The following RUFY4 variants were observed in gnomAD, a reference collection of about 807,000 sequenced individuals.
The protein encoded by RUFY4 is RUN and FYVE domain-containing protein 4.
RUFY4 carries 73 observed loss-of-function variants against 69.0 expected under a neutral mutation model. That is an observed-to-expected ratio of 1.06 (90% CI 0.88 to 1.29). The LOEUF (loss-of-function observed/expected upper bound fraction) is 1.29. RUFY4 is among the 50% of genes most tolerant of loss of function. The pLI is 0.00. For missense variants in RUFY4, 770 were observed against 705.6 expected, an observed-to-expected ratio of 1.09 and a Z score of -1.03; for synonymous variants, 287 against 271.8, an observed-to-expected ratio of 1.06 and a Z score of -0.55.
chr2:218,072,456 G>A (rs568804040), exon 3 of RUFY4: 52 of 1,537,310 alleles, frequency 3.4e-5, no homozygotes, highest in Admixed American at 3.3e-4. Context: ...CGACGGCAGC[G>A]GGGAAACATG....
chr2:218,084,585 A>C (rs1689847528), intron 9 of RUFY4, among the ~76,000 whole-genome samples: 2 of 152,194 alleles, frequency 1.3e-5, no homozygotes, highest in African/African-American at 4.8e-5. Context: ...GGAGACATCA[A>C]CTTGGAAATG....
exon 11 of RUFY4, chr2:218,089,997 G>A (rs772878658): frequency 1.3e-6 from 2 of 1,569,618 alleles, no homozygotes; most frequent in Non-Finnish European, 1.7e-6. Flanking sequence ...TGGATTACAA[G>A]AAGAGAGACC....
chr2:218,072,445 A>G lies in RUFY4; in HGVS notation c.225A>G (p.Leu75=), dbSNP rs1261719614. The change falls in exon 3 of 11, where the codon CTA becomes CTG. Residue 75 remains leucine, a synonymous_variant. Coordinates refer to ENST00000344321, the Ensembl canonical transcript of RUFY4. Reference sequence around the variant, plus strand: ...ACTGGGACTTTCTCTGCACTGCCCTACGACGGCAGCGGGGAAACATGGAGC... The same window carrying G: ...ACTGGGACTTTCTCTGCACTGCCCTGCGACGGCAGCGGGGAAACATGGAGC... 1.5e-5 allele frequency: 23 copies of G among 1,537,256 alleles called. No individual in the cohort carries two copies. The East Asian group carries it at 5.1e-4, about 34-fold the overall frequency.
At chr2:218,043,091 T>G (rs1228731472) in intron 2 of RUFY4, among the ~76,000 whole-genome samples, 2 of 149,334 alleles carry the variant, frequency 1.3e-5, no homozygotes, top group Non-Finnish European at 2.9e-5. Context: ...TATTGCATGT[T>G]AGAACAGCTC....
upstream of RUFY4, chr2:218,065,759 A>G (rs1689309028): frequency 6.6e-6 from 1 of 152,500 alleles, no homozygotes; most frequent in Non-Finnish European, 1.5e-5. Context: ...CCAGCCCAGG[A>G]GGCGGGTCAG....
intron 8 of RUFY4, among the ~76,000 whole-genome samples, chr2:218,077,741 C>T (rs1306280127): frequency 4.6e-5 from 7 of 151,796 alleles, no homozygotes; most frequent in African/African-American, 7.3e-5. Context: ...CTGTCTGCTT[C>T]GCAGGTGAGA....
chr2:218,075,009 G>C, intron 6 of RUFY4, 84 bp from the exon 9 acceptor site: 1 of 1,376,936 alleles, frequency 7.3e-7, no homozygotes, highest in Non-Finnish European at 9.7e-7. Context: ...AAGCTGATTA[G>C]ATTAGCACTG....
intron 2 of RUFY4, among the ~76,000 whole-genome samples, chr2:218,055,641 T>A (rs181272541): frequency 5.9e-5 from 9 of 152,316 alleles, no homozygotes; most frequent in Middle Eastern, 6.8e-3. Flanking sequence ...CTGATCCAAT[T>A]TTCCCCCATG....
At chr2:218,074,543 G>T (rs4674245) in intron 6 of RUFY4, among the ~76,000 whole-genome samples, 39,159 of 151,794 alleles carry the variant, frequency 0.26, 5,931 homozygotes, top group East Asian at 0.35. Context: ...AAAGTTCAGG[G>T]TCTCTTCATG....
At chr2:218,074,566 A>T (rs553515848) in intron 6 of RUFY4, among the ~76,000 whole-genome samples, 14 of 152,106 alleles carry the variant, frequency 9.2e-5, no homozygotes, top group African/African-American at 2.4e-4. Context: ...GATATACCAT[A>T]AAAAAAAGCA....
intron 2 of RUFY4, among the ~76,000 whole-genome samples, chr2:218,045,365 A>T (rs994216814): frequency 2.0e-5 from 3 of 152,238 alleles, no homozygotes; most frequent in Non-Finnish European, 4.4e-5. Context: ...CATATTGCAT[A>T]TAAGAATATT....
At chr2:218,069,794 C>T (rs1188862807), upstream of RUFY4, among the ~76,000 whole-genome samples, 1 of 152,136 alleles carries the variant, frequency 6.6e-6, no homozygotes, top group Admixed American at 6.5e-5. Flanking sequence ...TTTTCCGCTC[C>T]ATGCCTGGTC....
chr2:218,073,886 GTGCCTC>G lies in RUFY4; in HGVS notation c.600+6_600+11del. ...AAAAAACAAAGATGCCCCAAAGAAG[GTGCCTC>G]TGCCCTGCCTTCACTCTGAGTTGCC... is the stretch of plus-strand genomic sequence containing the variant. On this transcript the variant is annotated splice_donor_variant and splice_donor_5th_base_variant and intron_variant, in intron 6 of 10. Coordinates refer to ENST00000344321, the Ensembl canonical transcript of RUFY4. LOFTEE classifies it high-confidence loss of function. The G allele has an allele frequency of 6.2e-7, 1 of 1,613,812 alleles. No homozygotes were observed. Among genetic ancestry groups the G allele is most frequent in the South Asian group, 1.1e-5 (1 of 91,022 alleles).
At chr2:218,089,115 A>G (rs996308300) in intron 9 of RUFY4, 137 bp from the exon 12 acceptor site, 9 of 667,412 alleles carry the variant, frequency 1.3e-5, no homozygotes, top group East Asian at 1.1e-4. Context: ...GATTCCCTCC[A>G]TCACCCTCTC....
At chr2:218,074,637 G>A (rs1559433667) in intron 6 of RUFY4, among the ~76,000 whole-genome samples, 1 of 152,246 alleles carries the variant, frequency 6.6e-6, no homozygotes, top group Non-Finnish European at 1.5e-5. Context: ...TGGGAGCACA[G>A]AGGCTTCTTG....
At chr2:218,076,916 T>C (rs1194394058) in intron 8 of RUFY4, among the ~76,000 whole-genome samples, 1 of 152,218 alleles carries the variant, frequency 6.6e-6, no homozygotes, top group Non-Finnish European at 1.5e-5. Flanking sequence ...CTCCCTTTTT[T>C]ACTCAGTTTC....
upstream of RUFY4, among the ~76,000 whole-genome samples, chr2:218,065,980 G>T (rs891422609): frequency 5.9e-5 from 9 of 152,078 alleles, no homozygotes; most frequent in Non-Finnish European, 1.3e-4. Context: ...GGGGACAGGA[G>T]GGGTGGGGCC....
chr2:218,079,945 G>A (rs914692900), intron 8 of RUFY4, among the ~76,000 whole-genome samples: 3 of 152,154 alleles, frequency 2.0e-5, no homozygotes, highest in South Asian at 2.1e-4. Context: ...AGGGAAGGGC[G>A]CGGAGAAAGA....
chr2:218,043,706 G>A (rs969963850), intron 2 of RUFY4, among the ~76,000 whole-genome samples: 2 of 152,208 alleles, frequency 1.3e-5, no homozygotes, highest in Non-Finnish European at 2.9e-5. Flanking sequence ...AGCACCACAA[G>A]CTCCACCTCT....
Sources: gnomAD v4.1 joint callset for allele counts (sites outside exome capture counted in the v4.1 genomes callset) on GRCh38, gnomAD v4.1.1 for gene constraint, MANE v1.5 for transcripts, NCBI Gene and HGNC (gene_info 2026-07-23, HGNC 2026-07-21) for gene names.